The following NKAIN3 variants were observed in gnomAD, a reference collection of about 807,000 sequenced individuals.
NKAIN3 encodes sodium/potassium-transporting ATPase subunit beta-1-interacting protein 3.
NKAIN3 carries 25 observed loss-of-function variants against 30.2 expected under a neutral mutation model. That is an observed-to-expected ratio of 0.83 (90% CI 0.60 to 1.16). The LOEUF (loss-of-function observed/expected upper bound fraction) is 1.16, where lower values mean the gene tolerates loss of function less well. Among genes scored for constraint, NKAIN3 ranks in the 50% most tolerant of loss-of-function variants. NKAIN3 has a pLI of 0.00. For missense variants in NKAIN3, 225 were observed against 254.1 expected, an observed-to-expected ratio of 0.89 and a Z score of 0.78; for synonymous variants, 91 against 89.6, an observed-to-expected ratio of 1.02 and a Z score of -0.09.
intron 1 of NKAIN3, among the ~76,000 whole-genome samples, chr8:62,565,833 G>A (rs574236227): frequency 6.6e-6 from 1 of 152,166 alleles, no homozygotes; most frequent in South Asian, 2.1e-4. Context: ...GCTCACATTA[G>A]ACACTTAAAT....
chr8:62,461,283 A>G (rs531633916), intron 1 of NKAIN3, among the ~76,000 whole-genome samples: 84 of 152,376 alleles, frequency 5.5e-4, no homozygotes, highest in African/African-American at 2.0e-3. Flanking sequence ...TGTGTACTTT[A>G]CAGGATTATT....
chr8:62,604,247 G>C (rs1811058340), intron 3 of NKAIN3, among the ~76,000 whole-genome samples: 1 of 152,126 alleles, frequency 6.6e-6, no homozygotes, highest in African/African-American at 2.4e-5. Context: ...AATTAAAAAA[G>C]AGGAAGAATC....
chr8:62,545,647 A>C (rs190677721), intron 1 of NKAIN3, among the ~76,000 whole-genome samples: 1 of 152,322 alleles, frequency 6.6e-6, no homozygotes, highest in East Asian at 1.9e-4. Flanking sequence ...TTCTTTCTAA[A>C]GACTGCATGG....
intron 1 of NKAIN3, among the ~76,000 whole-genome samples, chr8:62,503,174 A>G (rs1807516685): frequency 6.6e-6 from 1 of 152,204 alleles, no homozygotes. Flanking sequence ...AGTCTGAGAA[A>G]TAAAGAGAAA....
chr8:62,989,307 AAAGAC>A (rs1211364682), downstream of NKAIN3, among the ~76,000 whole-genome samples: 1 of 152,198 alleles, frequency 6.6e-6, no homozygotes, highest in Non-Finnish European at 1.5e-5. Context: ...CTCTACTAAT[AAAGAC>A]ATACCTGAGA....
intron 4 of NKAIN3, among the ~76,000 whole-genome samples, chr8:62,857,536 G>T (rs1298741250): frequency 6.6e-6 from 1 of 152,090 alleles, no homozygotes; most frequent in Non-Finnish European, 1.5e-5. Flanking sequence ...TGGAGGTTTT[G>T]TTCATTCCTT....
intron 1 of NKAIN3, among the ~76,000 whole-genome samples, chr8:62,564,358 A>G (rs764578980): frequency 3.3e-5 from 5 of 151,846 alleles, no homozygotes; most frequent in Admixed American, 6.6e-5. Flanking sequence ...CCTCACCCCC[A>G]CTACCTCCCC....
chr8:62,495,971 G>T (rs1318979148), intron 1 of NKAIN3, among the ~76,000 whole-genome samples: 1 of 152,064 alleles, frequency 6.6e-6, no homozygotes, highest in South Asian at 2.1e-4. Context: ...ACCACAATTT[G>T]TCCCCACTGA....
intron 3 of NKAIN3, among the ~76,000 whole-genome samples, chr8:62,719,825 C>G (rs1177619894): frequency 7.0e-6 from 1 of 143,280 alleles, no homozygotes; most frequent in Non-Finnish European, 1.5e-5. Flanking sequence ...GGCGCGATCT[C>G]GGTTCACTGC....
At chr8:62,402,885 T>G (rs1201528414) in intron 1 of NKAIN3, among the ~76,000 whole-genome samples, 2 of 152,124 alleles carry the variant, frequency 1.3e-5, no homozygotes, top group African/African-American at 2.4e-5. Flanking sequence ...TGGAACAGTT[T>G]GGAGGGCTCA....
chr8:62,757,098 G>A lies in NKAIN3; in HGVS notation c.471+9969G>A, dbSNP rs182231577. 3.2e-3 allele frequency among the ~76,000 whole-genome samples: 492 copies of A among 152,142 alleles called. 8 individuals are homozygous for A. The highest frequency in any genetic ancestry group is 6.8e-3 in the Middle Eastern group (2 of 294). On this transcript the variant is annotated intron_variant, in intron 4 of 6. Transcript: ENST00000623646. ...CATTAACATAGAAAATCTGAGATCC[G>A]TTTAATAATTAATCGAGCCAACATG... is the stretch of plus-strand genomic sequence containing the variant.
chr8:62,345,530 T>C (rs542122739), intron 1 of NKAIN3, among the ~76,000 whole-genome samples: 16 of 113,326 alleles, frequency 1.4e-4, no homozygotes, highest in South Asian at 2.6e-4. Context: ...TATGTATATA[T>C]ACACACATAT....
chr8:62,363,055 A>C (rs956613448), intron 1 of NKAIN3, among the ~76,000 whole-genome samples: 3 of 152,132 alleles, frequency 2.0e-5, no homozygotes, highest in Admixed American at 2.0e-4. Flanking sequence ...CAAGGACTCA[A>C]ATATAGAAGT....
rs536638075 is a variant in NKAIN3, at chr8:62,647,615, T to A, written c.273+57821T>A. Among the ~76,000 whole-genome samples the A allele has an allele frequency of 2.0e-5, 3 of 151,994 alleles. No individual in the cohort carries two copies. The South Asian group carries it at 6.2e-4, about 32-fold the overall frequency. ...GAAGGATTAGCAGAAGTTAGCAAAG[T>A]GGAGAGGAGGGAGGACTGTTTTAAG... On this transcript the variant is annotated intron_variant, in intron 3 of 6. Transcript: ENST00000623646.
chr8:62,798,944 G>C (rs1817962283), intron 4 of NKAIN3, among the ~76,000 whole-genome samples: 1 of 152,092 alleles, frequency 6.6e-6, no homozygotes, highest in Non-Finnish European at 1.5e-5. Context: ...GAAGAAATAG[G>C]CCCCTGACCT....
intron 4 of NKAIN3, among the ~76,000 whole-genome samples, chr8:62,796,376 T>G (rs1309753606): frequency 1.1e-5 from 1 of 92,526 alleles, no homozygotes; most frequent in African/African-American, 4.4e-5. Context: ...AAAGTGAGAC[T>G]CTGTCTCAAA....
intron 4 of NKAIN3, among the ~76,000 whole-genome samples, chr8:62,899,034 C>G (rs1821521147): frequency 6.6e-6 from 1 of 152,132 alleles, no homozygotes; most frequent in Non-Finnish European, 1.5e-5. Flanking sequence ...AGTGGAATAT[C>G]ATCTCAATCC....
intron 1 of NKAIN3, among the ~76,000 whole-genome samples, chr8:62,437,838 G>A (rs2129598015): frequency 6.6e-6 from 1 of 152,214 alleles, no homozygotes; most frequent in South Asian, 2.1e-4. Context: ...GATAGCTTGG[G>A]AAACTGCTAT....
chr8:62,803,490 T>A (rs185961670), intron 4 of NKAIN3, among the ~76,000 whole-genome samples: 1 of 151,984 alleles, frequency 6.6e-6, no homozygotes, highest in Non-Finnish European at 1.5e-5. Flanking sequence ...ACATGGAAAC[T>A]GAAAAACCTG....
Sources: allele counts gnomAD v4.1 joint callset (sites outside exome capture counted in the v4.1 genomes callset), GRCh38; gene constraint gnomAD v4.1.1; transcripts MANE v1.5; gene names NCBI Gene and HGNC (gene_info 2026-07-23, HGNC 2026-07-21).